The following MEGF10 variants were observed in gnomAD, a reference collection of about 807,000 sequenced individuals.
MEGF10 encodes the protein multiple epidermal growth factor-like domains protein 10.
A neutral mutation model predicts 147.5 loss-of-function variants in MEGF10; 86 were observed. The ratio of observed to expected loss-of-function variants is 0.58; its 90% CI spans 0.49 to 0.70. The LOEUF is 0.70. MEGF10 is among the 30% of genes least tolerant of loss of function. MEGF10 has a pLI of 0.00. For synonymous variants in MEGF10, 478 were observed against 525.5 expected (o/e 0.91, Z 1.24); for missense variants, 1,329 against 1,487.3 (o/e 0.89, Z 1.75).
the MEGF10 span, among the ~76,000 whole-genome samples, chr5:127,249,581 A>G: frequency 7.9e-5 from 12 of 152,082 alleles, no homozygotes; most frequent in African/African-American, 2.4e-5. Flanking sequence ...TGTACTAAAT[A>G]TTACAATTAT....
intron 8 of MEGF10, among the ~76,000 whole-genome samples, chr5:127,409,255 T>A (rs1764458239): frequency 6.6e-6 from 1 of 152,250 alleles, no homozygotes; most frequent in Non-Finnish European, 1.5e-5. Flanking sequence ...TATGCCTTAC[T>A]GCTCACATGA....
intron 8 of MEGF10, among the ~76,000 whole-genome samples, chr5:127,405,592 A>G (rs574926256): frequency 1.6e-4 from 24 of 152,240 alleles, no homozygotes; most frequent in Non-Finnish European, 3.1e-4. Context: ...CAATATGTAT[A>G]ATGATTATTT....
intron 1 of MEGF10, among the ~76,000 whole-genome samples, chr5:127,293,044 C>T (rs1759330231): frequency 6.6e-6 from 1 of 152,136 alleles, no homozygotes; most frequent in African/African-American, 2.4e-5. Flanking sequence ...AAAATATTCC[C>T]TATGACCTCA....
chr5:127,271,161 T>G, the MEGF10 span, among the ~76,000 whole-genome samples: 1 of 152,218 alleles, frequency 6.6e-6, no homozygotes, highest in Non-Finnish European at 1.5e-5. Context: ...ATGGTTGAAC[T>G]AATTTACACT....
At chr5:127,237,232 C>T in the MEGF10 span, among the ~76,000 whole-genome samples, 1 of 152,220 alleles carries the variant, frequency 6.6e-6, no homozygotes, top group African/African-American at 2.4e-5. Flanking sequence ...CGTGGTGGCT[C>T]ATGATTGTAA....
intron 1 of MEGF10, among the ~76,000 whole-genome samples, 160 bp downstream of exon 1, chr5:127,291,216 A>T (rs1219641191): frequency 6.6e-6 from 1 of 152,058 alleles, no homozygotes; most frequent in Non-Finnish European, 1.5e-5. Flanking sequence ...TGCGCTTCTT[A>T]AGGGTTTATT....
At chr5:127,266,316 T>G in the MEGF10 span, among the ~76,000 whole-genome samples, 189 of 152,132 alleles carry the variant, frequency 1.2e-3, 1 homozygote, top group African/African-American at 4.4e-3. Flanking sequence ...CTGTTTTGGT[T>G]ACTGTAGCCT....
intron 15 of MEGF10, among the ~76,000 whole-genome samples, chr5:127,435,086 T>A (rs565370644): frequency 6.6e-6 from 1 of 152,306 alleles, no homozygotes; most frequent in Non-Finnish European, 1.5e-5. Context: ...AAAATCAATA[T>A]GCGGAAGAAT....
intron 5 of MEGF10, among the ~76,000 whole-genome samples, chr5:127,377,160 T>C (rs1763062096): frequency 6.6e-6 from 1 of 152,260 alleles, no homozygotes; most frequent in Non-Finnish European, 1.5e-5. Flanking sequence ...ATTTTATGTA[T>C]GACTTACTTT....
At chr5:127,315,745 G>C (rs1022425236) in intron 1 of MEGF10, among the ~76,000 whole-genome samples, 1 of 152,176 alleles carries the variant, frequency 6.6e-6, no homozygotes, top group African/African-American at 2.4e-5. Context: ...CTGCACTCCA[G>C]CCTGGGTGAC....
At chr5:127,381,684 T>C (rs1489500482) in intron 5 of MEGF10, among the ~76,000 whole-genome samples, 1 of 152,222 alleles carries the variant, frequency 6.6e-6, no homozygotes, top group African/African-American at 2.4e-5. Flanking sequence ...TTTTTGTTTT[T>C]CTCGAGACAA....
chr5:127,355,682 T>C (rs889314823), intron 4 of MEGF10, among the ~76,000 whole-genome samples: 7 of 152,212 alleles, frequency 4.6e-5, no homozygotes, highest in African/African-American at 7.2e-5. Context: ...GCAGGGAAGA[T>C]AGGAAATCTA....
intron 5 of MEGF10, among the ~76,000 whole-genome samples, chr5:127,392,982 A>C (rs1763762292): frequency 6.6e-6 from 1 of 152,236 alleles, no homozygotes; most frequent in Non-Finnish European, 1.5e-5. Context: ...TTAGAACTGA[A>C]ACCAGAGGCT....
chr5:127,329,381 C>G (rs182547265), intron 1 of MEGF10, among the ~76,000 whole-genome samples: 383 of 152,034 alleles, frequency 2.5e-3, no homozygotes, highest in African/African-American at 8.8e-3. Flanking sequence ...CAAACATTTT[C>G]TTTTAGCCTT....
chr5:127,297,901 A>G (rs1335964668), intron 1 of MEGF10, among the ~76,000 whole-genome samples: 3 of 152,100 alleles, frequency 2.0e-5, no homozygotes, highest in African/African-American at 7.2e-5. Context: ...TTCAACCACT[A>G]TGGGATTCTT....
At chr5:127,421,908 G>A (rs1765020195) in intron 12 of MEGF10, among the ~76,000 whole-genome samples, 2 of 143,762 alleles carry the variant, frequency 1.4e-5, no homozygotes, top group Admixed American at 1.4e-4. Flanking sequence ...AGAATGGTGT[G>A]AACCCGGGAG....
the MEGF10 span, among the ~76,000 whole-genome samples, chr5:127,265,942 A>G: frequency 6.6e-6 from 1 of 152,114 alleles, no homozygotes; most frequent in Non-Finnish European, 1.5e-5. Context: ...CTGTTTGTCA[A>G]TTTTGGCTTT....
intron 1 of MEGF10, among the ~76,000 whole-genome samples, chr5:127,313,624 A>G (rs1454092989): frequency 6.6e-6 from 1 of 152,206 alleles, no homozygotes; most frequent in Non-Finnish European, 1.5e-5. Context: ...ACTTTTTACT[A>G]CCTTTATCCA....
intron 8 of MEGF10, among the ~76,000 whole-genome samples, chr5:127,405,833 C>CT (rs935549505): frequency 3.3e-5 from 5 of 151,550 alleles, no homozygotes; most frequent in African/African-American, 4.9e-5. Flanking sequence ...CATTAAATGC[C>CT]TTTTTTTCTT....
Sources: gnomAD v4.1 joint callset for allele counts (sites outside exome capture counted in the v4.1 genomes callset) on GRCh38, gnomAD v4.1.1 for gene constraint, MANE v1.5 for transcripts, NCBI Gene and HGNC (gene_info 2026-07-23, HGNC 2026-07-21) for gene names.